Variants in ADAMTSL3 observed in about 807,000 individuals in gnomAD.
ADAMTSL3 encodes the protein ADAMTS like 3.
ADAMTSL3 carries 128 observed loss-of-function variants against 201.7 expected under a neutral mutation model. The ratio of observed to expected loss-of-function variants is 0.63; its 90% CI spans 0.55 to 0.73. The LOEUF is 0.73. ADAMTSL3 is among the 30% of genes least tolerant of loss of function. The pLI, the probability that ADAMTSL3 is intolerant of heterozygous loss-of-function variation, is 0.00. For synonymous variants in ADAMTSL3, 738 were observed against 748.4 expected (o/e 0.99, Z 0.23); for missense variants, 1,990 against 2,119.6 (o/e 0.94, Z 1.20).
chr15:83,989,814 A>C (rs886285184), intron 22 of ADAMTSL3, among the ~76,000 whole-genome samples: 12 of 152,190 alleles, frequency 7.9e-5, no homozygotes, highest in Non-Finnish European at 1.6e-4. Flanking sequence ...CCTTGTTTGT[A>C]TTATTTTTGC....
At chr15:83,742,838 C>A (rs1219155018) in intron 3 of ADAMTSL3, among the ~76,000 whole-genome samples, 2 of 152,116 alleles carry the variant, frequency 1.3e-5, no homozygotes, top group Admixed American at 1.3e-4. Context: ...GTAGATCTGA[C>A]TTCAGCTTGG....
At chr15:83,744,181 T>C (rs1303980676) in intron 3 of ADAMTSL3, among the ~76,000 whole-genome samples, 1 of 152,222 alleles carries the variant, frequency 6.6e-6, no homozygotes, top group African/African-American at 2.4e-5. Context: ...AAGGCAAATT[T>C]TCTTCATGTG....
chr15:83,966,386 A>G (rs188565447), intron 19 of ADAMTSL3, among the ~76,000 whole-genome samples: 1 of 152,356 alleles, frequency 6.6e-6, no homozygotes, highest in East Asian at 1.9e-4. Flanking sequence ...ATCATCAGAG[A>G]ATACTATAAA....
intron 7 of ADAMTSL3, among the ~76,000 whole-genome samples, chr15:83,839,970 G>C (rs1348828130): frequency 6.6e-6 from 1 of 152,160 alleles, no homozygotes; most frequent in African/African-American, 2.4e-5. Context: ...TTTCTTTGTG[G>C]TTGGAGGGTT....
chr15:84,006,503 G>C (rs1225845519), intron 23 of ADAMTSL3, among the ~76,000 whole-genome samples: 1 of 152,178 alleles, frequency 6.6e-6, no homozygotes, highest in African/African-American at 2.4e-5. Context: ...ACACTGACTA[G>C]TTTAAAGACA....
chr15:83,826,517 TA>T (rs913315846), intron 6 of ADAMTSL3, among the ~76,000 whole-genome samples: 23 of 151,928 alleles, frequency 1.5e-4, no homozygotes, highest in African/African-American at 3.1e-4. Flanking sequence ...ATAGGACTTT[TA>T]AAAAAATTAT....
chr15:83,659,006 C>G (rs1382611978), intron 2 of ADAMTSL3, among the ~76,000 whole-genome samples: 2 of 152,214 alleles, frequency 1.3e-5, no homozygotes, highest in Non-Finnish European at 2.9e-5. Context: ...GCGATTATCT[C>G]TTTAAACAAC....
chr15:83,766,164 C>T (rs959298360), intron 3 of ADAMTSL3, among the ~76,000 whole-genome samples: 1 of 152,200 alleles, frequency 6.6e-6, no homozygotes, highest in Non-Finnish European at 1.5e-5. Context: ...TTCAGGGTCT[C>T]CTTCCCCTGG....
chr15:83,663,590 C>T (rs2061205919), intron 2 of ADAMTSL3, among the ~76,000 whole-genome samples: 1 of 152,166 alleles, frequency 6.6e-6, no homozygotes, highest in African/African-American at 2.4e-5. Flanking sequence ...CACATTGTGG[C>T]CTTCCTCCTT....
intron 7 of ADAMTSL3, among the ~76,000 whole-genome samples, chr15:83,845,427 G>A (rs1037128272): frequency 3.9e-5 from 6 of 152,088 alleles, no homozygotes; most frequent in African/African-American, 1.4e-4. Flanking sequence ...GATTTCAGTG[G>A]GACTAAATGA....
chr15:83,657,005 A>T (rs537314776), intron 2 of ADAMTSL3, among the ~76,000 whole-genome samples: 3 of 152,280 alleles, frequency 2.0e-5, no homozygotes, highest in Non-Finnish European at 4.4e-5. Flanking sequence ...ATCCCATTTT[A>T]TCGATACTAT....
At position 83,729,422 on chromosome 15, in the gene ADAMTSL3, A is replaced by G. The variant is rs115265371; in HGVS notation, c.189+24914A>G. 8.4e-3 allele frequency among the ~76,000 whole-genome samples: 1,276 copies of G among 151,156 alleles called. 17 individuals are homozygous for G. The highest frequency in any genetic ancestry group is 0.027 in the African/African-American group (1,131 of 41,466). On this transcript the variant is annotated intron_variant, in intron 3 of 29. Coordinates refer to ENST00000286744, the MANE Select transcript of ADAMTSL3 (RefSeq NM_207517.3). The stretch of plus-strand genomic sequence containing the variant: ...CCTGTTGAGGCTATTTTTTGATCCC[A>G]TAGGCATATGTCGTTATTTTTTATT...
chr15:83,735,144 A>G (rs778258141), intron 3 of ADAMTSL3, among the ~76,000 whole-genome samples: 16 of 152,168 alleles, frequency 1.1e-4, no homozygotes, highest in Non-Finnish European at 2.4e-4. Flanking sequence ...AAGAAAATTT[A>G]ACCAGAAATA....
chr15:83,870,985 C>G (rs1172938177), intron 9 of ADAMTSL3, 26 bp downstream of exon 9: 1 of 1,603,526 alleles, frequency 6.2e-7, no homozygotes, highest in Admixed American at 1.7e-5. Context: ...TCATAAACTT[C>G]ATGTACCTGA....
chr15:83,863,231 G>A (rs1205998441), intron 8 of ADAMTSL3, among the ~76,000 whole-genome samples: 3 of 152,118 alleles, frequency 2.0e-5, no homozygotes, highest in Non-Finnish European at 4.4e-5. Flanking sequence ...AGTTAACAAG[G>A]ATATCCAGGA....
intron 3 of ADAMTSL3, among the ~76,000 whole-genome samples, chr15:83,756,692 A>G (rs1036339809): frequency 3.9e-5 from 6 of 151,936 alleles, no homozygotes; most frequent in East Asian, 1.9e-4. Context: ...CATTAACTCA[A>G]AAGTCTACAG....
chr15:83,982,254 C>CT lies in ADAMTSL3; in HGVS notation c.2645-8dup, dbSNP rs758713259. On this transcript the variant is annotated intron_variant, in intron 20 of 29. Transcript: ENST00000286744. ...TGTTTATTCGTATTTTCTTTTCTTT[C>CT]TTTTTTTTTTTCTTGGAGAAATCAA... 0.054 allele frequency: 55,451 copies of CT among 1,019,546 alleles called. 184 individuals are homozygous for CT. Among genetic ancestry groups the CT allele is most frequent in the Admixed American group, 0.17 (6,461 of 37,220 alleles). 63.2% of individuals were successfully genotyped at this position (1,019,546 alleles called of 1,614,324 possible). A position where few individuals can be genotyped will look rare whatever the true frequency, so the allele number is the denominator to read the frequency against.
intron 27 of ADAMTSL3, among the ~76,000 whole-genome samples, chr15:84,029,809 G>C (rs1235844004): frequency 6.6e-6 from 1 of 152,184 alleles, no homozygotes; most frequent in Non-Finnish European, 1.5e-5. Context: ...GTGGTTTCCT[G>C]GGCTGAGCCC....
chr15:83,662,601 A>AAAG (rs1491416846), intron 2 of ADAMTSL3, among the ~76,000 whole-genome samples: 4 of 57,678 alleles, frequency 6.9e-5, no homozygotes, highest in African/African-American at 2.9e-4. Context: ...AGAAAGAAAG[A>AAAG]AAAAAAAAAA....
Sources: gnomAD v4.1 joint callset for allele counts (sites outside exome capture counted in the v4.1 genomes callset) on GRCh38, gnomAD v4.1.1 for gene constraint, MANE v1.5 for transcripts, NCBI Gene and HGNC (gene_info 2026-07-23, HGNC 2026-07-21) for gene names.